PDE3B: variants seen among roughly 807,000 people sequenced by gnomAD.
The protein encoded by PDE3B is cGMP-inhibited 3',5'-cyclic phosphodiesterase 3B.
PDE3B carries 66 observed loss-of-function variants against 116.8 expected under a neutral mutation model. The observed-to-expected ratio is 0.56, with a 90% CI of 0.46 to 0.69. PDE3B has a LOEUF of 0.69. Ranked by LOEUF, PDE3B falls within the 30% of genes least tolerant of loss-of-function variation. The probability of loss-of-function intolerance (pLI) is 0.00; values close to 1 mark genes in which losing one functional copy is unlikely to be tolerated. For missense variants in PDE3B, 1,384 were observed against 1,368.1 expected (o/e 1.01, Z -0.18); for synonymous variants, 595 against 533.6 (o/e 1.12, Z -1.59).
intron 1 of PDE3B, among the ~76,000 whole-genome samples, chr11:14,652,739 A>G (rs1853604335): frequency 6.6e-6 from 1 of 152,190 alleles, no homozygotes; most frequent in Non-Finnish European, 1.5e-5. Flanking sequence ...GTTTCAATGA[A>G]TTTGAGGACT....
intron 1 of PDE3B, among the ~76,000 whole-genome samples, chr11:14,667,930 T>C (rs1034507867): frequency 7.9e-5 from 12 of 151,926 alleles, no homozygotes; most frequent in African/African-American, 2.9e-4. Context: ...AAATAGCTAT[T>C]GAATGGGTAA....
intron 1 of PDE3B, among the ~76,000 whole-genome samples, chr11:14,673,273 A>G (rs1854427861): frequency 6.6e-6 from 1 of 152,086 alleles, no homozygotes; most frequent in Non-Finnish European, 1.5e-5. Flanking sequence ...AACATGTATT[A>G]TAAAAGTGCG....
At chr11:14,722,861 C>G (rs781540181) in intron 1 of PDE3B, among the ~76,000 whole-genome samples, 4 of 152,136 alleles carry the variant, frequency 2.6e-5, no homozygotes, top group Non-Finnish European at 4.4e-5. Context: ...AAGAAGCTAA[C>G]TATGTTATGA....
intron 1 of PDE3B, among the ~76,000 whole-genome samples, chr11:14,750,332 T>G (rs2133875106): frequency 6.6e-6 from 1 of 152,240 alleles, no homozygotes; most frequent in Non-Finnish European, 1.5e-5. Flanking sequence ...ATTTGTATCC[T>G]TATATTTACT....
At chr11:14,890,220 G>C in the PDE3B span, among the ~76,000 whole-genome samples, 1 of 147,264 alleles carries the variant, frequency 6.8e-6, no homozygotes, top group Admixed American at 6.8e-5. Context: ...TCACTACCGA[G>C]AAAAAAAAAA....
chr11:14,647,071 C>T (rs1276127546), intron 1 of PDE3B, among the ~76,000 whole-genome samples: 1 of 151,766 alleles, frequency 6.6e-6, no homozygotes, highest in African/African-American at 2.4e-5. Context: ...ATGCTTGTTC[C>T]AGAAGTCTAA....
intron 1 of PDE3B, among the ~76,000 whole-genome samples, chr11:14,759,062 G>T (rs1319285727): frequency 6.6e-6 from 1 of 151,958 alleles, no homozygotes; most frequent in Non-Finnish European, 1.5e-5. Flanking sequence ...TTATATGCTG[G>T]ATTACATTTA....
intron 1 of PDE3B, among the ~76,000 whole-genome samples, chr11:14,735,038 C>G (rs1297060204): frequency 6.6e-6 from 1 of 152,162 alleles, no homozygotes; most frequent in African/African-American, 2.4e-5. Context: ...ATAGCCCACC[C>G]CATCATCTTT....
At chr11:14,721,591 G>T (rs1429672113) in intron 1 of PDE3B, among the ~76,000 whole-genome samples, 1 of 150,562 alleles carries the variant, frequency 6.6e-6, no homozygotes, top group African/African-American at 2.5e-5. Context: ...ATACTATGCA[G>T]CCATAAAAAA....
the PDE3B span, chr11:14,879,183 G>A: frequency 6.2e-7 from 1 of 1,613,196 alleles, no homozygotes; most frequent in Non-Finnish European, 8.5e-7. Context: ...CGCTCAGGAT[G>A]GAACACTTCT....
At chr11:14,820,737 T>TCTCTTTCCCACC (rs566393889) in intron 7 of PDE3B, among the ~76,000 whole-genome samples, 2 of 151,894 alleles carry the variant, frequency 1.3e-5, no homozygotes, top group African/African-American at 4.8e-5. Context: ...CCCAGAAAAC[T>TCTCTTTCCCACC]CTCTTTCCCA....
intron 7 of PDE3B, among the ~76,000 whole-genome samples, chr11:14,824,588 T>C (rs1859627040): frequency 6.6e-6 from 1 of 152,172 alleles, no homozygotes; most frequent in African/African-American, 2.4e-5. Context: ...ACAAAAATTA[T>C]TTTAAAAAGA....
At chr11:14,885,090 T>C in the PDE3B span, among the ~76,000 whole-genome samples, 1 of 152,216 alleles carries the variant, frequency 6.6e-6, no homozygotes, top group Non-Finnish European at 1.5e-5. Context: ...AAGCAAGATA[T>C]TGTTAAATTT....
chr11:14,860,415 C>G (rs1480139452), intron 13 of PDE3B, among the ~76,000 whole-genome samples: 1 of 151,864 alleles, frequency 6.6e-6, no homozygotes, highest in African/African-American at 2.4e-5. Flanking sequence ...AAAAAGCAAC[C>G]ATCACACTGA....
the PDE3B span, chr11:14,880,038 G>C: frequency 8.1e-7 from 1 of 1,236,334 alleles, no homozygotes; most frequent in East Asian, 2.5e-5. Flanking sequence ...CATCGCAGGA[G>C]TTCCTAAAGA....
chr11:14,726,039 T>C (rs61273038), intron 1 of PDE3B, among the ~76,000 whole-genome samples: 13,705 of 152,158 alleles, frequency 0.09, 1,052 homozygotes, highest in African/African-American at 0.21. Flanking sequence ...CTTGAAGATA[T>C]CAGTATTATT....
intron 1 of PDE3B, among the ~76,000 whole-genome samples, chr11:14,740,259 A>C (rs1473384351): frequency 6.6e-6 from 1 of 152,154 alleles, no homozygotes; most frequent in Non-Finnish European, 1.5e-5. Flanking sequence ...TAGGCTATTA[A>C]TTACTGCTTC....
At chr11:14,866,733 G>A (rs749684699) in intron 14 of PDE3B, among the ~76,000 whole-genome samples, 1 of 152,094 alleles carries the variant, frequency 6.6e-6, no homozygotes, top group Non-Finnish European at 1.5e-5. Context: ...TCAGACACTA[G>A]GACTAAAATG....
In PDE3B at chr11:14,643,904, G is replaced by C; in HGVS notation, c.-172G>C. 2 of 983,402 alleles carry C rather than the reference G, an allele frequency of 2.0e-6. No individual in the cohort carries two copies. The highest frequency in any genetic ancestry group is 6.5e-5 in the East Asian group (2 of 30,858). 60.9% of individuals were successfully genotyped at this position (983,402 alleles called of 1,614,324 possible). A position where few individuals can be genotyped will look rare whatever the true frequency, so the allele number is the denominator to read the frequency against. ...CCTCAGCCAGCATGTCCCGGACTCC[G>C]CCGCTCCTCAGTCCGCGCGGTGGGG... On this transcript the variant is annotated 5_prime_UTR_variant, in exon 1 of 16. Transcript: ENST00000282096.
Sources: gnomAD v4.1 joint callset for allele counts (sites outside exome capture counted in the v4.1 genomes callset) on GRCh38, gnomAD v4.1.1 for gene constraint, MANE v1.5 for transcripts, NCBI Gene and HGNC (gene_info 2026-07-23, HGNC 2026-07-21) for gene names.